The following ZNF85 variants were observed in gnomAD, a reference collection of about 807,000 sequenced individuals.
ZNF85 encodes the protein zinc finger protein 85.
Under a neutral mutation model 53.9 loss-of-function variants are expected in ZNF85, and 50 were observed. That is an observed-to-expected ratio of 0.93 (90% CI 0.74 to 1.17). The LOEUF (loss-of-function observed/expected upper bound fraction) is 1.17. Among genes scored for constraint, ZNF85 ranks in the 50% most tolerant of loss-of-function variants. ZNF85 has a pLI of 0.00. For synonymous variants in ZNF85, 225 were observed against 226.1 expected (o/e 1.00, Z 0.04); for missense variants, 747 against 688.5 (o/e 1.08, Z -0.95).
At chr19:20,946,779 G>A (rs1973432829) in intron 3 of ZNF85, among the ~76,000 whole-genome samples, 1 of 151,882 alleles carries the variant, frequency 6.6e-6, no homozygotes, top group Middle Eastern at 3.2e-3. Context: ...GTTAAAATTT[G>A]CATGGAATGT....
chr19:20,948,390 C>G (rs534520280), intron 3 of ZNF85, among the ~76,000 whole-genome samples: 8 of 151,996 alleles, frequency 5.3e-5, no homozygotes, highest in Non-Finnish European at 7.4e-5. Context: ...TTTTTCTTGT[C>G]TTTTATAAAA....
chr19:20,923,465 G>A, intron 1 of ZNF85, 62 bp downstream of exon 1: 1 of 1,611,692 alleles, frequency 6.2e-7, no homozygotes. Context: ...GGTGGGAAGC[G>A]GCTGTGGCGG....
At chr19:20,946,429 C>A in intron 3 of ZNF85, 1 of 338,190 alleles carries the variant, frequency 3.0e-6, no homozygotes, top group South Asian at 2.4e-5. Context: ...CTGTTGCCTT[C>A]TAATATTCTT....
At chr19:20,923,959 C>T (rs1323720582) in intron 1 of ZNF85, among the ~76,000 whole-genome samples, 2 of 151,906 alleles carry the variant, frequency 1.3e-5, no homozygotes, top group South Asian at 4.2e-4. Flanking sequence ...GTGGCGCGCG[C>T]CTGCAATCCC....
chr19:20,931,624 T>TTC (rs1973023363), intron 1 of ZNF85, among the ~76,000 whole-genome samples: 1 of 142,464 alleles, frequency 7.0e-6, no homozygotes, highest in African/African-American at 2.8e-5. Flanking sequence ...CTTTTTCTTT[T>TTC]TTTTTTTTTT....
intron 3 of ZNF85, among the ~76,000 whole-genome samples, chr19:20,946,139 A>G (rs1343859358): frequency 1.3e-5 from 2 of 152,084 alleles, no homozygotes; most frequent in Non-Finnish European, 2.9e-5. Context: ...AAATGCAATG[A>G]GAAGTTTTAA....
chr19:20,938,846 C>A (rs1973220728), intron 3 of ZNF85, among the ~76,000 whole-genome samples: 1 of 142,864 alleles, frequency 7.0e-6, no homozygotes, highest in Admixed American at 6.8e-5. Flanking sequence ...CCATATTCTG[C>A]TATATGTGTG....
intron 1 of ZNF85, among the ~76,000 whole-genome samples, chr19:20,933,136 T>A (rs1224551775): frequency 6.8e-6 from 1 of 147,036 alleles, no homozygotes; most frequent in Non-Finnish European, 1.5e-5. Flanking sequence ...GAGCTTGCAG[T>A]GAGCTGAGAT....
At chr19:20,934,911 A>G (rs1973120116) in intron 2 of ZNF85, 38 bp from the exon 3 acceptor site, 2 of 1,454,560 alleles carry the variant, frequency 1.4e-6, no homozygotes, top group East Asian at 2.5e-5. Flanking sequence ...ATTAGAGAAT[A>G]TGAGCAAGAT....
intron 1 of ZNF85, among the ~76,000 whole-genome samples, chr19:20,924,492 A>T (rs1972834814): frequency 6.6e-6 from 1 of 152,198 alleles, no homozygotes; most frequent in South Asian, 2.1e-4. Flanking sequence ...CACAGTCCAC[A>T]GGGGACTTCT....
intron 3 of ZNF85, among the ~76,000 whole-genome samples, 199 bp downstream of exon 3, chr19:20,935,246 T>C (rs965874265): frequency 1.3e-5 from 2 of 152,228 alleles, no homozygotes. Context: ...TTCTAAGGAT[T>C]CTACTTTTCC....
intron 1 of ZNF85, among the ~76,000 whole-genome samples, chr19:20,930,898 T>C (rs1568546551): frequency 6.6e-6 from 1 of 152,104 alleles, no homozygotes; most frequent in East Asian, 1.9e-4. Context: ...TCAGCCTCCC[T>C]AGTAGCTGGG....
chr19:20,949,598 G>C lies in ZNF85; in HGVS notation c.1084G>C (p.Val362Leu). 1.3e-6 allele frequency: 2 copies of C among 1,558,776 alleles called. No individual in the cohort carries two copies. The highest frequency in any genetic ancestry group is 1.7e-6 in the Non-Finnish European group (2 of 1,149,888). ...GTCTGCACACCTTACCACACATGAG[G>C]TAATTCATACTGGAGAGAAACCCTA... ...NQSAHLTTHE[V>L]IHTGEKPYKC... Residue 362 changes from valine (V) to leucine (L), a missense_variant, in exon 4 of 4, where the codon GTA (valine) becomes CTA (leucine). By Grantham distance (32) the Val-to-Leu change is conservative. Coordinates refer to ENST00000328178, the MANE Select transcript of ZNF85 (RefSeq NM_003429.5).
chr19:20,948,867 G>T lies in ZNF85; in HGVS notation c.353G>T (p.Cys118Phe). Reference protein sequence around the residue: ...RHENLPLRKGCESMDECKMHK... With the variant: ...RHENLPLRKGFESMDECKMHK... ...GAAAATTTACCATTAAGAAAAGGCT[G>T]TGAAAGTATGGATGAGTGTAAGATG... The change falls in exon 4 of 4, where the codon TGT (cysteine) becomes TTT (phenylalanine). Residue 118 changes from cysteine (C) to phenylalanine (F), a missense_variant. Coordinates refer to ENST00000328178, the MANE Select transcript of ZNF85 (RefSeq NM_003429.5). 3 of 1,613,488 alleles carry T rather than the reference G, an allele frequency of 1.9e-6. No homozygotes were observed. Among genetic ancestry groups the T allele is most frequent in the Non-Finnish European group, 2.5e-6 (3 of 1,179,726 alleles).
Position 20,923,344 on chromosome 19 carries a change from C to T in ZNF85, c.-57C>T. ...ACGCCCAGCCTCTGTGGCCCTGTGG[C>T]CTGCAGGTATTGGGAGATCCACAGC... On this transcript the variant is annotated 5_prime_UTR_variant, in exon 1 of 4. Coordinates refer to ENST00000328178, the MANE Select transcript of ZNF85 (RefSeq NM_003429.5). 2 of 1,613,416 alleles carry T rather than the reference C, an allele frequency of 1.2e-6. No homozygotes were observed. The highest frequency in any genetic ancestry group is 1.7e-6 in the Non-Finnish European group (2 of 1,179,534).
In ZNF85 at chr19:20,935,628, T is replaced by A. The variant is rs572352227; in HGVS notation, c.229+581T>A. ...GTTTCATGTATGTTTTAGAATTGTA[T>A]TTTTCATTACTGTAAAAGATGCCAC... On this transcript the variant is annotated intron_variant, in intron 3 of 3. Transcript: ENST00000328178. Among the ~76,000 whole-genome samples the A allele has an allele frequency of 7.2e-5, 11 of 152,310 alleles. No homozygotes were observed. The East Asian group carries it at 2.1e-3, about 29-fold the overall frequency.
At chr19:20,931,620 CTTTTTTT>C (rs1156835317) in intron 1 of ZNF85, among the ~76,000 whole-genome samples, 6 of 119,468 alleles carry the variant, frequency 5.0e-5, no homozygotes, top group Non-Finnish European at 1.0e-4. Flanking sequence ...TTTTCTTTTT[CTTTTTTT>C]TTTTTTTTTT....
intron 3 of ZNF85, among the ~76,000 whole-genome samples, chr19:20,935,461 G>GT (rs1568549070): frequency 6.6e-6 from 1 of 151,994 alleles, no homozygotes; most frequent in Non-Finnish European, 1.5e-5. Flanking sequence ...TCCATTGGGG[G>GT]TTTTTTTGTT....
At chr19:20,929,154 G>T (rs1972949051) in intron 1 of ZNF85, among the ~76,000 whole-genome samples, 1 of 149,172 alleles carries the variant, frequency 6.7e-6, no homozygotes, top group Non-Finnish European at 1.5e-5. Context: ...CTGGAGTACA[G>T]TGACAGGATT....
Sources: gnomAD v4.1 joint callset for allele counts (sites outside exome capture counted in the v4.1 genomes callset) on GRCh38, gnomAD v4.1.1 for gene constraint, MANE v1.5 for transcripts, NCBI Gene and HGNC (gene_info 2026-07-23, HGNC 2026-07-21) for gene names.